SYNE2: variants seen among roughly 807,000 people sequenced by gnomAD.
SYNE2 encodes the protein spectrin repeat containing nuclear envelope protein 2, also known as nesprin-2.
SYNE2 carries 431 observed loss-of-function variants against 856.3 expected under a neutral mutation model. The ratio of observed to expected loss-of-function variants is 0.50; its 90% CI spans 0.47 to 0.55. The LOEUF (loss-of-function observed/expected upper bound fraction) is 0.55. SYNE2 is among the 20% of genes least tolerant of loss of function. The pLI is 0.00. For synonymous variants in SYNE2, 2,923 were observed against 2,872.3 expected, an observed-to-expected ratio of 1.02 and a Z score of -0.56; for missense variants, 8,129 against 8,023.2, an observed-to-expected ratio of 1.01 and a Z score of -0.50.
chr14:64,053,420 A>G lies in SYNE2; in HGVS notation c.9507A>G (p.Lys3169=), dbSNP rs1439643904. The G allele has an allele frequency of 1.9e-6, 3 of 1,612,986 alleles. No homozygotes were observed. The highest frequency in any genetic ancestry group is 2.7e-5 in the African/African-American group (2 of 74,850). The change falls in exon 48 of 116, where the codon AAA becomes AAG. Residue 3169 remains lysine (K), a synonymous_variant. Coordinates refer to ENST00000555002, the MANE Select transcript of SYNE2 (RefSeq NM_182914.3). ...ETSLHVLNQI[K]SQLQQPLLIN... The stretch of plus-strand genomic sequence containing the variant: ...CCTTACATGTTTTAAATCAGATAAA[A>G]TCTCAATTACAGCAGCCATTACTTA...
chr14:64,002,670 C>T (rs528340086), intron 29 of SYNE2, 50 bp from the exon 30 acceptor site: 2 of 1,597,240 alleles, frequency 1.3e-6, no homozygotes, highest in Non-Finnish European at 1.7e-6. Context: ...TCACATGTAG[C>T]CTTTCTTTTT....
intron 1 of SYNE2, among the ~76,000 whole-genome samples, chr14:63,785,309 T>A (rs1887478139): frequency 6.6e-6 from 1 of 151,832 alleles, no homozygotes; most frequent in Non-Finnish European, 1.5e-5. Context: ...AAATACAAAA[T>A]GTAGTTAGGT....
At chr14:63,896,203 C>T (rs752211695) in intron 1 of SYNE2, among the ~76,000 whole-genome samples, 1 of 152,102 alleles carries the variant, frequency 6.6e-6, no homozygotes, top group Non-Finnish European at 1.5e-5. Context: ...GGTACTGAGA[C>T]CTGAGAGAAT....
rs199902281 is a variant in SYNE2 at position 64,078,431 on chromosome 14, T to C, written c.11023-35T>C. 56 of 1,611,710 alleles carry C rather than the reference T, an allele frequency of 3.5e-5. No homozygotes were observed. The African/African-American group carries it at 7.2e-4, about 21-fold the overall frequency. On this transcript the variant is annotated intron_variant, in intron 54 of 115. Coordinates refer to ENST00000555002, the MANE Select transcript of SYNE2 (RefSeq NM_182914.3). ...ACCTATGAATAAAGTGCAGACAACC[T>C]CTCTAAGCCAAATGCGTCTTTGTCT...
At chr14:63,887,822 G>A (rs1261222435) in intron 1 of SYNE2, among the ~76,000 whole-genome samples, 1 of 132,178 alleles carries the variant, frequency 7.6e-6, no homozygotes, top group African/African-American at 3.0e-5. Context: ...GTGCCATCTT[G>A]GCTCACTACA....
intron 32 of SYNE2, among the ~76,000 whole-genome samples, chr14:64,011,220 C>T (rs892997860): frequency 6.6e-6 from 1 of 152,262 alleles, no homozygotes; most frequent in Admixed American, 6.5e-5. Context: ...CGGAAGCAGC[C>T]CTGTTTAGAT....
chr14:63,981,501 A>G (rs1281781825), intron 16 of SYNE2, among the ~76,000 whole-genome samples: 2 of 152,172 alleles, frequency 1.3e-5, no homozygotes, highest in Admixed American at 1.3e-4. Flanking sequence ...ATAAGACTTA[A>G]TGTACTGGCT....
chr14:63,890,793 A>G (rs1455693343), intron 1 of SYNE2, among the ~76,000 whole-genome samples: 1 of 152,228 alleles, frequency 6.6e-6, no homozygotes, highest in African/African-American at 2.4e-5. Flanking sequence ...TCTTGAGGTT[A>G]GGAAGATTGA....
At chr14:63,791,135 T>C (rs1887717316) in intron 1 of SYNE2, among the ~76,000 whole-genome samples, 1 of 152,106 alleles carries the variant, frequency 6.6e-6, no homozygotes, top group South Asian at 2.1e-4. Flanking sequence ...CTAATTTTTG[T>C]ATTTTTAGTA....
intron 95 of SYNE2, among the ~76,000 whole-genome samples, chr14:64,176,745 A>T (rs916906861): frequency 6.6e-6 from 1 of 152,090 alleles, no homozygotes; most frequent in African/African-American, 2.4e-5. Flanking sequence ...TGGTTAGATG[A>T]GAGGGATTGG....
Position 63,940,667 on chromosome 14 carries a change from T to A in SYNE2, c.133T>A (p.Leu45Met), listed in dbSNP as rs769271589. Residue 45 changes from leucine (L) to methionine (M), a missense_variant, in exon 3 of 116, where the codon TTG (leucine) becomes ATG (methionine). Leu to Met is a conservative substitution (Grantham distance 15, BLOSUM62 2). Coordinates refer to ENST00000555002, the MANE Select transcript of SYNE2 (RefSeq NM_182914.3). Reference protein sequence around the residue: ...KAFTCWINSQLARHTSPSVIS... With the variant: ...KAFTCWINSQMARHTSPSVIS... Reference sequence around the variant, plus strand: ...CTTCACGTGCTGGATAAACTCACAGTTGGCCAGGGTAAGCAAATGAAGACC... The same window carrying A: ...CTTCACGTGCTGGATAAACTCACAGATGGCCAGGGTAAGCAAATGAAGACC... 1.2e-6 allele frequency: 2 copies of A among 1,614,126 alleles called. No individual in the cohort carries two copies. Among genetic ancestry groups the A allele is most frequent in the Non-Finnish European group, 1.7e-6 (2 of 1,179,984 alleles).
intron 29 of SYNE2, 100 bp from the exon 30 acceptor site, chr14:64,002,620 T>C (rs2096763713): frequency 7.4e-7 from 1 of 1,357,438 alleles, no homozygotes. Flanking sequence ...AAAAGCATTT[T>C]TCTAGATCAA....
intron 1 of SYNE2, among the ~76,000 whole-genome samples, chr14:63,857,046 G>A (rs73276864): frequency 0.014 from 2,204 of 152,274 alleles, 32 homozygotes; most frequent in South Asian, 0.077. Context: ...CTGGATTACA[G>A]GCATGAGTCT....
chr14:64,167,225 A>T lies in SYNE2; in HGVS notation c.16606-8A>T. On this transcript the variant is annotated splice_polypyrimidine_tract_variant and splice_region_variant and intron_variant, in intron 90 of 115. Transcript: ENST00000555002. ...CCAAAAACCTGTACTTCAATTTTTTAAAAATAGAATCATGTGCTGGCACTG... is the reference window on the plus strand; with the variant it reads ...CCAAAAACCTGTACTTCAATTTTTTTAAAATAGAATCATGTGCTGGCACTG... 3.1e-6 allele frequency: 5 copies of T among 1,614,100 alleles called. No individual in the cohort carries two copies. The highest frequency in any genetic ancestry group is 1.7e-4 in the Middle Eastern group (1 of 6,060).
At chr14:64,122,524 T>C (rs2097905646) in intron 70 of SYNE2, 97 bp downstream of exon 70, 1 of 1,542,230 alleles carries the variant, frequency 6.5e-7, no homozygotes. Flanking sequence ...GAAAGCAAAG[T>C]TGCCAAGTGA....
chr14:64,149,597 C>T (rs1175891380), intron 84 of SYNE2, among the ~76,000 whole-genome samples: 1 of 152,010 alleles, frequency 6.6e-6, no homozygotes, highest in Non-Finnish European at 1.5e-5. Flanking sequence ...ATTATTAATC[C>T]CTCAAGTTTG....
intron 100 of SYNE2, 43 bp downstream of exon 100, chr14:64,203,006 G>A (rs759861028): frequency 2.5e-5 from 41 of 1,609,546 alleles, no homozygotes; most frequent in South Asian, 6.6e-5. Flanking sequence ...TACGGTGTCC[G>A]CGATATGCAC....
chr14:64,211,092 C>T (rs2098638629), intron 103 of SYNE2, among the ~76,000 whole-genome samples: 1 of 152,174 alleles, frequency 6.6e-6, no homozygotes, highest in South Asian at 2.1e-4. Context: ...AGGGATCCTC[C>T]TGCCTCAGCC....
chr14:64,224,700 C>T (rs988341139), intron 114 of SYNE2, among the ~76,000 whole-genome samples, 153 bp downstream of exon 114: 1 of 152,164 alleles, frequency 6.6e-6, no homozygotes, highest in African/African-American at 2.4e-5. Context: ...TGCCTCTAGT[C>T]ACTCTTCTTT....
Sources: allele counts gnomAD v4.1 joint callset (sites outside exome capture counted in the v4.1 genomes callset), GRCh38; gene constraint gnomAD v4.1.1; transcripts MANE v1.5; gene names NCBI Gene and HGNC (gene_info 2026-07-23, HGNC 2026-07-21).